The following NDUFAF6 variants were observed in gnomAD, a reference collection of about 807,000 sequenced individuals.
NDUFAF6 encodes NADH:ubiquinone oxidoreductase complex assembly factor 6, also known as NADH dehydrogenase (ubiquinone) complex I, assembly factor 6.
In NDUFAF6, 45 loss-of-function variants were observed where a neutral mutation model predicts 40.8. The observed-to-expected ratio is 1.10, with a 90% CI of 0.87 to 1.42. NDUFAF6 has a LOEUF of 1.42. NDUFAF6 is among the 40% of genes most tolerant of loss of function. NDUFAF6 has a pLI of 0.00. For missense variants in NDUFAF6, 435 were observed against 418.5 expected (o/e 1.04, Z -0.34); for synonymous variants, 185 against 155.9 (o/e 1.19, Z -1.39).
At chr8:95,066,948 T>C (rs1180527518) in intron 9 of NDUFAF6, 1 of 152,230 alleles carries the variant, frequency 6.6e-6, no homozygotes, top group Non-Finnish European at 1.5e-5. Flanking sequence ...AGTGGCATGC[T>C]GGGCCCAGGG....
chr8:94,896,704 G>A (rs1817625408), intron 1 of NDUFAF6: 1 of 152,038 alleles, frequency 6.6e-6, no homozygotes, highest in Non-Finnish European at 1.5e-5. Flanking sequence ...GAGATGCACC[G>A]GGAGGCGGCG....
chr8:94,924,854 T>G (rs1819755778), intron 1 of NDUFAF6, among the ~76,000 whole-genome samples: 1 of 152,220 alleles, frequency 6.6e-6, no homozygotes, highest in African/African-American at 2.4e-5. Flanking sequence ...GCAATTCTCC[T>G]GCCTCAGCCT....
At chr8:95,034,700 G>A (rs1447125650) in intron 2 of NDUFAF6, 1 of 152,384 alleles carries the variant, frequency 6.6e-6, no homozygotes, top group Non-Finnish European at 1.5e-5. Flanking sequence ...AAGGAGGCAT[G>A]AAATATCCGT....
In NDUFAF6 at chr8:95,043,170, C is replaced by T. The variant is rs187126265; in HGVS notation, c.477+1544C>T. Among the ~76,000 whole-genome samples the T allele has an allele frequency of 3.8e-4, 58 of 151,338 alleles. 1 individual carries two copies. The highest frequency in any genetic ancestry group is 1.2e-3 in the East Asian group (6 of 5,156). ...CACGATCTCGGCTCACTGCAATCTC[C>T]GCCTCCTGGGTTCAAGCAGTTCCCC... is the stretch of plus-strand genomic sequence containing the variant. On this transcript the variant is annotated intron_variant, in intron 4 of 8. Transcript: ENST00000396124.
chr8:95,058,839 T>G (rs1000807480), downstream of NDUFAF6: 4 of 942,678 alleles, frequency 4.2e-6, no homozygotes, highest in East Asian at 3.5e-4. Context: ...CATTAAACTT[T>G]TAAATTGTTT....
chr8:95,101,355 G>C (rs1809640289), intron 2 of NDUFAF6: 1 of 152,116 alleles, frequency 6.6e-6, no homozygotes, highest in Admixed American at 6.5e-5. Flanking sequence ...GGACTTTATT[G>C]GTTACTTGGT....
chr8:94,953,659 G>T (rs1036746899), upstream of NDUFAF6, among the ~76,000 whole-genome samples: 3 of 152,234 alleles, frequency 2.0e-5, no homozygotes, highest in African/African-American at 7.2e-5. Flanking sequence ...AGGTGGGTCT[G>T]TAATCATGAA....
intron 1 of NDUFAF6, among the ~76,000 whole-genome samples, chr8:94,908,834 G>T (rs1226675830): frequency 5.9e-5 from 9 of 152,166 alleles, no homozygotes. Flanking sequence ...TTAGCTTGCA[G>T]ATTGGAACTT....
intron 1 of NDUFAF6, among the ~76,000 whole-genome samples, chr8:94,944,787 T>C (rs1018894276): frequency 6.6e-6 from 1 of 152,204 alleles, no homozygotes; most frequent in African/African-American, 2.4e-5. Flanking sequence ...TGGAGCTAAA[T>C]TGGCCCTTCT....
intron 2 of NDUFAF6, among the ~76,000 whole-genome samples, chr8:94,982,595 G>C (rs1198711119): frequency 1.3e-5 from 2 of 152,164 alleles, no homozygotes; most frequent in African/African-American, 4.8e-5. Context: ...TCTGATTCCA[G>C]GTTTACCAAG....
chr8:94,935,579 A>G (rs927091261), intron 1 of NDUFAF6, among the ~76,000 whole-genome samples: 4 of 152,178 alleles, frequency 2.6e-5, no homozygotes, highest in African/African-American at 9.7e-5. Flanking sequence ...GCAAGGATCT[A>G]TTTCTCTGTC....
intron 1 of NDUFAF6, among the ~76,000 whole-genome samples, chr8:94,897,609 A>C (rs889349138): frequency 1.3e-5 from 2 of 151,768 alleles, no homozygotes; most frequent in Middle Eastern, 3.2e-3. Context: ...TTGCTCCGAC[A>C]TTCATTTTCA....
intron 1 of NDUFAF6, among the ~76,000 whole-genome samples, chr8:94,960,966 G>C (rs559833633): frequency 1.6e-4 from 25 of 152,266 alleles, no homozygotes; most frequent in African/African-American, 5.8e-4. Context: ...TATTACCCAA[G>C]AAAACATCTT....
intron 2 of NDUFAF6, among the ~76,000 whole-genome samples, chr8:95,101,987 A>T (rs1809663997): frequency 9.2e-6 from 1 of 108,368 alleles, no homozygotes; most frequent in South Asian, 4.1e-4. Context: ...AGTGTAATCT[A>T]AAAAAGTATT....
intron 2 of NDUFAF6, among the ~76,000 whole-genome samples, chr8:94,948,349 C>CAACATT (rs1822197542): frequency 6.6e-6 from 1 of 152,294 alleles, no homozygotes; most frequent in African/African-American, 2.4e-5. Flanking sequence ...TTATGAGAAT[C>CAACATT]AACTGGGGCG....
chr8:94,916,141 G>A (rs1215966475), intron 1 of NDUFAF6, among the ~76,000 whole-genome samples: 1 of 152,156 alleles, frequency 6.6e-6, no homozygotes, highest in African/African-American at 2.4e-5. Context: ...GGTAGCTGGG[G>A]GAAGTAGCAA....
Position 94,901,792 on chromosome 8 carries a change from C to T in NDUFAF6, c.-936+5865C>T, listed in dbSNP as rs551047110. On this transcript the variant is annotated intron_variant, in intron 1 of 14. Transcript: ENST00000396113. Reference sequence around the variant, plus strand: ...TAGAGTCAGGGTTTCGCCATGTTGGCCAGGCTGGTCTCCAACTCCTGGCCT... The same window carrying T: ...TAGAGTCAGGGTTTCGCCATGTTGGTCAGGCTGGTCTCCAACTCCTGGCCT... Among the ~76,000 whole-genome samples, 7 of 152,190 alleles carry T rather than the reference C, an allele frequency of 4.6e-5. No homozygotes were observed. The South Asian group carries it at 1.2e-3, about 27-fold the overall frequency.
chr8:94,901,845 A>C (rs1186565351), intron 1 of NDUFAF6, among the ~76,000 whole-genome samples: 1 of 152,136 alleles, frequency 6.6e-6, no homozygotes, highest in East Asian at 1.9e-4. Flanking sequence ...TCAGCCTCCC[A>C]AAGTGCTGGG....
At chr8:95,034,961 C>T (rs1416001150) in intron 2 of NDUFAF6, among the ~76,000 whole-genome samples, 1 of 151,850 alleles carries the variant, frequency 6.6e-6, no homozygotes, top group East Asian at 1.9e-4. Context: ...CTCACTGCAA[C>T]CTCTGCCTCT....
Sources: allele counts gnomAD v4.1 joint callset (sites outside exome capture counted in the v4.1 genomes callset), GRCh38; gene constraint gnomAD v4.1.1; transcripts MANE v1.5; gene names NCBI Gene and HGNC (gene_info 2026-07-23, HGNC 2026-07-21).